DOCK2: variants seen among roughly 807,000 people sequenced by gnomAD.
The protein encoded by DOCK2 is dedicator of cytokinesis 2.
Under a neutral mutation model 248.9 loss-of-function variants are expected in DOCK2, and 87 were observed. That is an observed-to-expected ratio of 0.35 (90% CI 0.29 to 0.42). The LOEUF is 0.42. Among genes scored for constraint, DOCK2 ranks in the 10% least tolerant of loss-of-function variants. The probability of loss-of-function intolerance (pLI) is 1.00; values close to 1 mark genes in which losing one functional copy is unlikely to be tolerated. For synonymous variants in DOCK2, 805 were observed against 821.6 expected (o/e 0.98, Z 0.35); for missense variants, 1,747 against 2,300.2 (o/e 0.76, Z 4.92).
At chr5:169,712,281 T>G in intron 17 of DOCK2, 58 bp downstream of exon 17, 1 of 1,515,060 alleles carries the variant, frequency 6.6e-7, no homozygotes, top group East Asian at 2.3e-5. Flanking sequence ...AAGGGGGTGA[T>G]GGCAAAATTG....
rs552506915 is a variant in DOCK2 at position 170,054,347 on chromosome 5, G to C, written c.4214-958G>C. On this transcript the variant is annotated intron_variant, in intron 41 of 51. Coordinates refer to ENST00000520908, the MANE Select transcript of DOCK2 (RefSeq NM_004946.3). Reference sequence around the variant, plus strand: ...AAAGACGTGGGTAAAGAAGAAATGGGAGGTAGGGAAAGGGAAGAGGGGTCA... The same window carrying C: ...AAAGACGTGGGTAAAGAAGAAATGGCAGGTAGGGAAAGGGAAGAGGGGTCA... Among the ~76,000 whole-genome samples the C allele has an allele frequency of 1.3e-3, 194 of 152,344 alleles. 1 individual carries two copies. In the South Asian group the frequency reaches 0.017, roughly 14 times the overall value.
intron 27 of DOCK2, among the ~76,000 whole-genome samples, chr5:169,927,446 C>T (rs1040258569): frequency 6.6e-6 from 1 of 152,092 alleles, no homozygotes; most frequent in African/African-American, 2.4e-5. Context: ...GGGCCAGAGA[C>T]CAGACTTTGA....
At chr5:169,903,305 C>CAAAA (rs1774051616) in intron 27 of DOCK2, among the ~76,000 whole-genome samples, 1 of 94,048 alleles carries the variant, frequency 1.1e-5, no homozygotes, top group Non-Finnish European at 2.2e-5. Flanking sequence ...ACAACAACAA[C>CAAAA]AACAATAAAA....
In DOCK2 at chr5:170,079,038, G is replaced by A. The variant is rs138544957; in HGVS notation, c.5058G>A (p.Pro1686=). The change falls in exon 49 of 52, where the codon CCG becomes CCA. Residue 1686 remains proline, a synonymous_variant. Coordinates refer to ENST00000520908, the MANE Select transcript of DOCK2 (RefSeq NM_004946.3). ...TGGAGCAGGAGGAACCGATCTCCCC[G>A]GGGAGCACCCTGCCTGAGGTCAAGC... ...PRVEQEEPIS[P]GSTLPEVKLR... The A allele has an allele frequency of 8.3e-5, 134 of 1,614,074 alleles. No individual in the cohort carries two copies. Among genetic ancestry groups the A allele is most frequent in the South Asian group, 2.6e-4 (24 of 91,072 alleles).
chr5:169,687,333 G>C (rs942846401), intron 8 of DOCK2, among the ~76,000 whole-genome samples: 2 of 152,082 alleles, frequency 1.3e-5, no homozygotes, highest in African/African-American at 4.8e-5. Flanking sequence ...CACTTAACTT[G>C]ATTGAGTTTT....
chr5:170,062,120 TGTGTGTGTGA>T (rs1323753260), intron 44 of DOCK2, among the ~76,000 whole-genome samples: 4 of 150,998 alleles, frequency 2.6e-5, no homozygotes, highest in African/African-American at 9.9e-5. Flanking sequence ...TGTGTGTGTG[TGTGTGTGTGA>T]GAGAGAGAGA....
intron 2 of DOCK2, among the ~76,000 whole-genome samples, chr5:169,663,610 C>T (rs1219998095): frequency 1.3e-5 from 2 of 152,250 alleles, no homozygotes; most frequent in African/African-American, 2.4e-5. Flanking sequence ...ACCTGCAGGC[C>T]TAACACCACA....
intron 27 of DOCK2, among the ~76,000 whole-genome samples, chr5:169,896,321 G>A (rs996552080): frequency 2.0e-4 from 31 of 152,154 alleles, no homozygotes; most frequent in African/African-American, 7.2e-4. Context: ...GAGTGGCTGG[G>A]GGTGGTCTGA....
At chr5:170,007,865 C>G (rs1378786813) in intron 30 of DOCK2, among the ~76,000 whole-genome samples, 1 of 152,158 alleles carries the variant, frequency 6.6e-6, no homozygotes, top group Non-Finnish European at 1.5e-5. Context: ...GGTCCCACCC[C>G]CAGAGGTTCT....
chr5:169,975,708 A>G (rs1777692716), intron 27 of DOCK2, among the ~76,000 whole-genome samples: 1 of 152,194 alleles, frequency 6.6e-6, no homozygotes, highest in African/African-American at 2.4e-5. Flanking sequence ...ATTGCTTTGT[A>G]ATATTTCATT....
intron 25 of DOCK2, among the ~76,000 whole-genome samples, chr5:169,765,070 GCACACACA>G (rs142755026): frequency 1.4e-5 from 2 of 146,602 alleles, no homozygotes; most frequent in South Asian, 2.2e-4. Context: ...CTCTTTTAGC[GCACACACA>G]CACACACACA....
intron 22 of DOCK2, among the ~76,000 whole-genome samples, chr5:169,739,324 C>T (rs535924949): frequency 1.2e-4 from 18 of 152,250 alleles, no homozygotes; most frequent in African/African-American, 4.1e-4. Flanking sequence ...GGGAAAATGG[C>T]CTCTAGTTGT....
intron 32 of DOCK2, among the ~76,000 whole-genome samples, chr5:170,011,476 G>A (rs1184091310): frequency 3.5e-5 from 3 of 86,934 alleles, no homozygotes; most frequent in African/African-American, 1.7e-4. Flanking sequence ...GTCAGGGGTT[G>A]AGGGTTGGTT....
At chr5:170,068,174 T>A (rs1757561350) in intron 45 of DOCK2, among the ~76,000 whole-genome samples, 1 of 152,120 alleles carries the variant, frequency 6.6e-6, no homozygotes, top group Admixed American at 6.6e-5. Context: ...GGTCATAAGG[T>A]CCCTCCAGAA....
At chr5:169,685,684 C>T (rs1759927637) in intron 8 of DOCK2, among the ~76,000 whole-genome samples, 1 of 152,184 alleles carries the variant, frequency 6.6e-6, no homozygotes, top group African/African-American at 2.4e-5. Context: ...CTTTAGTAAA[C>T]AGCGGCCTCC....
At position 169,669,269 on chromosome 5, in the gene DOCK2, C is replaced by G; in HGVS notation, c.128-19C>G. The G allele has an allele frequency of 6.2e-7, 1 of 1,613,016 alleles. No individual in the cohort carries two copies. The highest frequency in any genetic ancestry group is 8.5e-7 in the Non-Finnish European group (1 of 1,179,672). ...CTTGTAATAAATGAGGGAACTGTTTCTTTGTTTTCTTTTTGCAGACTGGTA... is the reference window on the plus strand; with the variant it reads ...CTTGTAATAAATGAGGGAACTGTTTGTTTGTTTTCTTTTTGCAGACTGGTA... On this transcript the variant is annotated intron_variant, in intron 2 of 51. Coordinates refer to ENST00000520908, the MANE Select transcript of DOCK2 (RefSeq NM_004946.3).
At chr5:169,752,531 G>T (rs1763952062) in intron 23 of DOCK2, among the ~76,000 whole-genome samples, 1 of 151,732 alleles carries the variant, frequency 6.6e-6, no homozygotes, top group African/African-American at 2.4e-5. Context: ...TCAAGCCTAG[G>T]AGTTCAAGAC....
In DOCK2 at chr5:169,940,341, C is replaced by A. The variant is rs138297275; in HGVS notation, c.2800-42727C>A. On this transcript the variant is annotated intron_variant, in intron 27 of 51. Coordinates refer to ENST00000520908, the MANE Select transcript of DOCK2 (RefSeq NM_004946.3). ...TCTGGAGGCATTTTTGTTTTTCACA[C>A]CTTGAGTATTGCTATTGGCATCTAA... Among the ~76,000 whole-genome samples, 526 of 152,280 alleles carry A rather than the reference C, an allele frequency of 3.5e-3. 5 individuals are homozygous for A. The South Asian group carries it at 0.043, about 12-fold the overall frequency.
At chr5:169,835,555 A>G (rs1769520203) in intron 26 of DOCK2, among the ~76,000 whole-genome samples, 2 of 152,066 alleles carry the variant, frequency 1.3e-5, no homozygotes, top group African/African-American at 4.8e-5. Context: ...GGGCCTGGCC[A>G]AAATGCTTGT....
Sources: allele counts gnomAD v4.1 joint callset (sites outside exome capture counted in the v4.1 genomes callset), GRCh38; gene constraint gnomAD v4.1.1; transcripts MANE v1.5; gene names NCBI Gene and HGNC (gene_info 2026-07-23, HGNC 2026-07-21).